The following PC variants were observed in gnomAD, a reference collection of about 807,000 sequenced individuals.
PC encodes the protein pyruvate carboxylase, mitochondrial.
PC carries 46 observed loss-of-function variants against 107.8 expected under a neutral mutation model. The observed-to-expected ratio is 0.43, with a 90% CI of 0.34 to 0.55. PC has a LOEUF of 0.55. Ranked by LOEUF, PC falls within the 20% of genes least tolerant of loss-of-function variation. The pLI, the probability that PC is intolerant of heterozygous loss-of-function variation, is 0.04. For synonymous variants in PC, 662 were observed against 684.7 expected, an observed-to-expected ratio of 0.97 and a Z score of 0.52; for missense variants, 1,241 against 1,643.1, an observed-to-expected ratio of 0.76 and a Z score of 4.23.
At chr11:66,886,224 G>A (rs1947356441) in intron 3 of PC, among the ~76,000 whole-genome samples, 2 of 152,054 alleles carry the variant, frequency 1.3e-5, no homozygotes, top group Admixed American at 6.6e-5. Context: ...GGCAGAGGAG[G>A]GGAGGAGGTC....
chr11:66,925,832 C>T (rs1471653783), intron 3 of PC, among the ~76,000 whole-genome samples: 1 of 151,778 alleles, frequency 6.6e-6, no homozygotes, highest in African/African-American at 2.4e-5. Flanking sequence ...AATAAATGTC[C>T]ATGAAATCTT....
chr11:66,882,208 T>C (rs1445205926), intron 3 of PC, among the ~76,000 whole-genome samples: 1 of 152,242 alleles, frequency 6.6e-6, no homozygotes, highest in Non-Finnish European at 1.5e-5. Flanking sequence ...AGAATCCTGC[T>C]GTCAGGCCAT....
intron 3 of PC, among the ~76,000 whole-genome samples, chr11:66,896,910 G>C (rs967903197): frequency 6.6e-6 from 1 of 151,874 alleles, no homozygotes; most frequent in Non-Finnish European, 1.5e-5. Flanking sequence ...TTTCACTGCT[G>C]ATCCTTTTGT....
intron 10 of PC, among the ~76,000 whole-genome samples, chr11:66,867,865 G>A (rs908653416): frequency 1.3e-5 from 2 of 152,208 alleles, no homozygotes; most frequent in African/African-American, 2.4e-5. Flanking sequence ...TGCCCCCGGC[G>A]AGCCACAGCA....
rs1213652361 is a variant in PC, at chr11:66,870,884, C to T, written c.642G>A (p.Glu214=). 4 of 1,612,898 alleles carry T rather than the reference C, an allele frequency of 2.5e-6. No individual in the cohort carries two copies. In the South Asian group the frequency reaches 4.4e-5, roughly 18 times the overall value. ...CTGAGTAGGCCCGGGTGTAATTCTC[C>T]TCCAGCTCCTGCGAGGGCGGGCAGG... is the stretch of plus-strand genomic sequence containing the variant. The part of the protein sequence containing the change: ...MRVVHSYEEL[E]ENYTRAYSEA... Residue 214 remains glutamate (E), a synonymous_variant, in exon 8 of 23, where the codon GAG becomes GAA. Coordinates refer to ENST00000393960, the MANE Select transcript of PC (RefSeq NM_001040716.2). The surrounding 1 kb of genome is among the most constrained non-coding windows in gnomAD (Gnocchi z 6.1).
rs531056189 is a variant in PC at position 66,858,793 on chromosome 11, C to A, written c.1368+4981G>T. On this transcript the variant is annotated intron_variant, in intron 12 of 22. Coordinates refer to ENST00000393960, the MANE Select transcript of PC (RefSeq NM_001040716.2). This position sits in a 1 kb window ranked among gnomAD's most constrained non-coding sequence, Gnocchi z 5.9. Reference sequence around the variant, plus strand: ...GGCGCTGGGGACGCTGGGGGCTACACCTGCATCGCCACCAACCCTGCTGGT... The same window carrying A: ...GGCGCTGGGGACGCTGGGGGCTACAACTGCATCGCCACCAACCCTGCTGGT... 6.5e-7 allele frequency: 1 copy of A among 1,549,746 alleles called. No homozygotes were observed. The highest frequency in any genetic ancestry group is 1.4e-5 in the African/African-American group (1 of 73,240).
chr11:66,941,585 G>A (rs747212651), intron 3 of PC, among the ~76,000 whole-genome samples: 4 of 152,030 alleles, frequency 2.6e-5, no homozygotes, highest in Non-Finnish European at 4.4e-5. Context: ...TCCGCCTCCC[G>A]GGTTCACACC....
At chr11:66,949,645 C>T (rs552274853) in intron 3 of PC, among the ~76,000 whole-genome samples, 1 of 152,020 alleles carries the variant, frequency 6.6e-6, no homozygotes, top group South Asian at 2.1e-4. Flanking sequence ...GAGCCGAGAT[C>T]GCGACAGAGC....
intron 3 of PC, among the ~76,000 whole-genome samples, chr11:66,921,112 A>G (rs1271700670): frequency 6.6e-6 from 1 of 152,002 alleles, no homozygotes; most frequent in Non-Finnish European, 1.5e-5. Flanking sequence ...CCTTGGCTCA[A>G]CGGCCACCTG....
At chr11:66,955,092 G>A (rs891564738) in intron 1 of PC, among the ~76,000 whole-genome samples, 3 of 152,158 alleles carry the variant, frequency 2.0e-5, no homozygotes, top group African/African-American at 4.8e-5. Context: ...ACTCCTTTCC[G>A]TATTCCCCAT....
At chr11:66,859,393 G>A (rs932183970) in intron 12 of PC, among the ~76,000 whole-genome samples, 2 of 152,174 alleles carry the variant, frequency 1.3e-5, no homozygotes, top group Non-Finnish European at 2.9e-5. Flanking sequence ...CCGCGCCCGC[G>A]TGTTATTTCT....
intron 3 of PC, among the ~76,000 whole-genome samples, chr11:66,890,125 G>A (rs1947513882): frequency 6.6e-6 from 1 of 152,164 alleles, no homozygotes; most frequent in Non-Finnish European, 1.5e-5. Flanking sequence ...GCCTCGGGGA[G>A]AAGATTAGCG....
intron 3 of PC, among the ~76,000 whole-genome samples, chr11:66,942,327 G>C (rs1949160886): frequency 6.6e-6 from 1 of 150,390 alleles, no homozygotes; most frequent in Admixed American, 6.6e-5. Flanking sequence ...GTGAACCCGG[G>C]AGGTGGAGCT....
intron 3 of PC, among the ~76,000 whole-genome samples, chr11:66,947,107 A>G (rs537753265): frequency 2.7e-3 from 413 of 152,298 alleles, no homozygotes; most frequent in African/African-American, 9.2e-3. Context: ...ACATACAGCT[A>G]CCACAGGATC....
chr11:66,882,675 C>G (rs1026118802), intron 3 of PC, among the ~76,000 whole-genome samples: 1 of 152,260 alleles, frequency 6.6e-6, no homozygotes, highest in African/African-American at 2.4e-5. Flanking sequence ...GGCTCCACAG[C>G]TGCCAGTGAA....
chr11:66,866,340 C>T lies in PC; in HGVS notation c.1032G>A (p.Leu344=). The T allele has an allele frequency of 1.2e-6, 2 of 1,611,050 alleles. No individual in the cohort carries two copies. The highest frequency in any genetic ancestry group is 1.7e-6 in the Non-Finnish European group (2 of 1,179,278). The change falls in exon 11 of 23, where the codon CTG becomes CTA. Residue 344 remains leucine, a synonymous_variant. Transcript: ENST00000393960. This position sits in a 1 kb window ranked among gnomAD's most constrained non-coding sequence, Gnocchi z 5.4. ...TVTEEITDVD[L]VHAQIHVAEG... ...CAGCCACGTGGATCTGAGCATGGAC[C>T]AGGTCTACGCTGTAGGGCATTGGGG... is the stretch of plus-strand genomic sequence containing the variant.
intron 3 of PC, among the ~76,000 whole-genome samples, chr11:66,883,525 C>T (rs1947257513): frequency 6.6e-6 from 1 of 152,162 alleles, no homozygotes; most frequent in Non-Finnish European, 1.5e-5. Context: ...CACCCATCGT[C>T]CTGCTCAGGG....
At chr11:66,875,150 T>C (rs1364990998) in intron 3 of PC, among the ~76,000 whole-genome samples, 1 of 143,254 alleles carries the variant, frequency 7.0e-6, no homozygotes, top group African/African-American at 2.6e-5. Flanking sequence ...CTCTCTGGAC[T>C]GGCGAGCAGC....
intron 3 of PC, among the ~76,000 whole-genome samples, chr11:66,908,816 C>A (rs1290361707): frequency 6.6e-6 from 1 of 152,156 alleles, no homozygotes; most frequent in East Asian, 1.9e-4. Context: ...CCGATGTCCC[C>A]GAGAACACGC....
Sources: gnomAD v4.1 joint callset for allele counts (sites outside exome capture counted in the v4.1 genomes callset) on GRCh38, gnomAD v4.1.1 for gene constraint, Gnocchi (gnomAD v3.1) non-coding constraint, MANE v1.5 for transcripts, NCBI Gene and HGNC (gene_info 2026-07-23, HGNC 2026-07-21) for gene names.